Variants in PLD5 observed in about 807,000 individuals in gnomAD.
PLD5 encodes inactive phospholipase D5.
Under a neutral mutation model 61.1 loss-of-function variants are expected in PLD5, and 36 were observed. That is an observed-to-expected ratio of 0.59 (90% CI 0.45 to 0.78). The LOEUF (loss-of-function observed/expected upper bound fraction) is 0.78. Ranked by LOEUF, PLD5 falls within the 30% of genes least tolerant of loss-of-function variation. PLD5 has a pLI of 0.00. For synonymous variants in PLD5, 243 were observed against 242.8 expected, an observed-to-expected ratio of 1.00 and a Z score of -0.01; for missense variants, 515 against 644.4, an observed-to-expected ratio of 0.80 and a Z score of 2.17.
At chr1:242,433,742 G>C (rs1185221616) in intron 1 of PLD5, among the ~76,000 whole-genome samples, 1 of 152,142 alleles carries the variant, frequency 6.6e-6, no homozygotes, top group Non-Finnish European at 1.5e-5. Flanking sequence ...GCAGGGTATG[G>C]GGAGGGGGAA....
chr1:242,220,187 G>T, intron 4 of PLD5, 72 bp from the exon 5 acceptor site: 1 of 1,554,032 alleles, frequency 6.4e-7, no homozygotes. Context: ...ACCTACCAGT[G>T]GAAATATTCA....
upstream of PLD5, among the ~76,000 whole-genome samples, chr1:242,526,581 G>A (rs974166850): frequency 2.6e-5 from 4 of 152,124 alleles, no homozygotes; most frequent in Non-Finnish European, 4.4e-5. Flanking sequence ...GACTACAGGT[G>A]CACGTCACCA....
chr1:242,405,982 A>G (rs1270503714), intron 1 of PLD5, among the ~76,000 whole-genome samples: 1 of 152,160 alleles, frequency 6.6e-6, no homozygotes, highest in African/African-American at 2.4e-5. Context: ...GTAGTTTCTC[A>G]GCTGCAATTG....
chr1:242,207,768 ATATATTTATATATATT>A (rs1669429446), intron 5 of PLD5, among the ~76,000 whole-genome samples: 2 of 85,472 alleles, frequency 2.3e-5, no homozygotes, highest in African/African-American at 6.4e-5. Context: ...TTATATTTAT[ATATATTTATATATATT>A]TATATTTATA....
chr1:242,523,496 G>T (rs918959442), intron 1 of PLD5, among the ~76,000 whole-genome samples: 1 of 151,978 alleles, frequency 6.6e-6, no homozygotes, highest in East Asian at 1.9e-4. Flanking sequence ...CCGACGATCC[G>T]CTCGCTTTTA....
intron 7 of PLD5, 59 bp downstream of exon 7, chr1:242,113,831 C>T: frequency 6.5e-7 from 1 of 1,549,820 alleles, no homozygotes; most frequent in Non-Finnish European, 8.7e-7. Context: ...CCTGTGGTGC[C>T]CAGTTTAGTG....
chr1:242,226,969 G>A (rs780118253), intron 4 of PLD5, among the ~76,000 whole-genome samples: 2 of 152,174 alleles, frequency 1.3e-5, no homozygotes, highest in Non-Finnish European at 2.9e-5. Context: ...AAAGTATAAT[G>A]CCATGATGAA....
At chr1:242,483,822 T>C (rs1354108515) in intron 1 of PLD5, among the ~76,000 whole-genome samples, 4 of 151,986 alleles carry the variant, frequency 2.6e-5, no homozygotes, top group South Asian at 2.1e-4. Flanking sequence ...AAGCACTCCT[T>C]AGCAAATGTA....
At chr1:242,105,159 C>G (rs536326288) in intron 8 of PLD5, among the ~76,000 whole-genome samples, 1 of 151,614 alleles carries the variant, frequency 6.6e-6, no homozygotes. Context: ...TACCACTGAA[C>G]CTTTGGCTTA....
intron 1 of PLD5, chr1:242,377,216 C>A: frequency 4.3e-6 from 7 of 1,611,564 alleles, no homozygotes; most frequent in Admixed American, 1.7e-5. Flanking sequence ...ACTCCCGGCA[C>A]TGGTAGGAAG....
intron 4 of PLD5, among the ~76,000 whole-genome samples, chr1:242,253,839 T>C (rs990368987): frequency 3.3e-5 from 5 of 152,220 alleles, no homozygotes; most frequent in African/African-American, 9.7e-5. Context: ...AATGTTTAGA[T>C]TTTATGTGTT....
At chr1:242,479,144 C>T (rs963751113) in intron 1 of PLD5, among the ~76,000 whole-genome samples, 4 of 152,142 alleles carry the variant, frequency 2.6e-5, no homozygotes, top group Non-Finnish European at 5.9e-5. Context: ...TCTGGACAAA[C>T]TATCTAAAAT....
chr1:242,347,616 A>G (rs571052810), intron 2 of PLD5, among the ~76,000 whole-genome samples: 2 of 152,184 alleles, frequency 1.3e-5, no homozygotes, highest in Non-Finnish European at 2.9e-5. Flanking sequence ...TAGTTTCTAG[A>G]TTAAAAACAA....
chr1:242,485,187 A>G (rs1667914889), intron 1 of PLD5, among the ~76,000 whole-genome samples: 2 of 152,188 alleles, frequency 1.3e-5, no homozygotes, highest in African/African-American at 4.8e-5. Context: ...CCTATTCAAC[A>G]TAGTGTTGGA....
chr1:242,526,089 C>T (rs970034732), upstream of PLD5, among the ~76,000 whole-genome samples: 17 of 152,280 alleles, frequency 1.1e-4, no homozygotes, highest in Admixed American at 1.3e-4. Context: ...CACTTCAAAA[C>T]AAGGATATGA....
intron 3 of PLD5, among the ~76,000 whole-genome samples, chr1:242,273,880 C>T (rs1436716675): frequency 6.6e-6 from 1 of 152,148 alleles, no homozygotes; most frequent in Non-Finnish European, 1.5e-5. Context: ...CCAAGGAATG[C>T]CAGAAGCCAC....
chr1:242,253,086 A>G (rs1393159868), intron 4 of PLD5, among the ~76,000 whole-genome samples: 1 of 140,812 alleles, frequency 7.1e-6, no homozygotes, highest in African/African-American at 2.6e-5. Flanking sequence ...AAGTGCTGGG[A>G]TTACAGGCGT....
intron 4 of PLD5, among the ~76,000 whole-genome samples, chr1:242,240,352 A>G (rs1671918645): frequency 6.6e-6 from 1 of 152,104 alleles, no homozygotes; most frequent in African/African-American, 2.4e-5. Context: ...CTCTCCCCCA[A>G]CATTCTTTTC....
At chr1:242,113,746 G>T in intron 7 of PLD5, 144 bp downstream of exon 7, 1 of 1,004,590 alleles carries the variant, frequency 1.0e-6, no homozygotes, top group Non-Finnish European at 1.4e-6. Context: ...AATTGCCAAT[G>T]CATGTTAAAC....
Sources: allele counts gnomAD v4.1 joint callset (sites outside exome capture counted in the v4.1 genomes callset), GRCh38; gene constraint gnomAD v4.1.1; transcripts MANE v1.5; gene names NCBI Gene and HGNC (gene_info 2026-07-23, HGNC 2026-07-21).